GAS2: variants seen among roughly 807,000 people sequenced by gnomAD.
The protein encoded by GAS2 is growth arrest specific 2.
A neutral mutation model predicts 37.5 loss-of-function variants in GAS2; 20 were observed. The observed-to-expected ratio is 0.53, with a 90% CI of 0.37 to 0.77. The LOEUF is 0.77. Ranked by LOEUF, GAS2 falls within the 30% of genes least tolerant of loss-of-function variation. GAS2 has a pLI of 0.00. For missense variants in GAS2, 336 were observed against 373.4 expected (o/e 0.90, Z 0.82); for synonymous variants, 144 against 132.2 (o/e 1.09, Z -0.61).
intron 6 of GAS2, among the ~76,000 whole-genome samples, chr11:22,754,411 G>A (rs1423779871): frequency 2.0e-5 from 3 of 152,006 alleles, no homozygotes; most frequent in African/African-American, 7.2e-5. Context: ...ATAAAAATAA[G>A]TGCCAAAAGC....
intron 7 of GAS2, among the ~76,000 whole-genome samples, chr11:22,806,460 T>C (rs1350356595): frequency 6.6e-6 from 1 of 152,198 alleles, no homozygotes; most frequent in East Asian, 1.9e-4. Context: ...CGCTTGTATA[T>C]ATACCTAGTG....
intron 4 of GAS2, among the ~76,000 whole-genome samples, chr11:22,735,664 T>A (rs1165044637): frequency 2.0e-5 from 3 of 151,886 alleles, no homozygotes; most frequent in Non-Finnish European, 4.4e-5. Flanking sequence ...ACATTATTAT[T>A]TTTCTTCAGA....
upstream of GAS2, among the ~76,000 whole-genome samples, chr11:22,665,441 C>T (rs1276274441): frequency 6.6e-6 from 1 of 152,042 alleles, no homozygotes; most frequent in South Asian, 2.1e-4. Flanking sequence ...CATTCAGATT[C>T]GTTTACTAAA....
At position 22,726,378 on chromosome 11, in the gene GAS2, C is replaced by G; in HGVS notation, c.354C>G (p.Ser118=). 1 of 1,612,924 alleles carries G rather than the reference C, an allele frequency of 6.2e-7. No individual in the cohort carries two copies. Among genetic ancestry groups the G allele is most frequent in the Middle Eastern group, 1.7e-4 (1 of 6,048 alleles). ...GAGACAATACAGCAAATTTCTTATC[C>G]TGGTGCCGAGATTTAGGGGTGGATG... is the stretch of plus-strand genomic sequence containing the variant. ...FARDNTANFL[S]WCRDLGVDET... The change falls in exon 4 of 8, where the codon TCC becomes TCG. Residue 118 remains serine (S), a synonymous_variant. Coordinates refer to ENST00000454584, the MANE Select transcript of GAS2 (RefSeq NM_001143830.3).
chr11:22,790,411 C>T (rs1856088799), intron 7 of GAS2, among the ~76,000 whole-genome samples: 1 of 152,166 alleles, frequency 6.6e-6, no homozygotes, highest in African/African-American at 2.4e-5. Flanking sequence ...TGCTGCTTTA[C>T]ATTTCTGTCC....
At chr11:22,770,498 A>G (rs549189666) in intron 7 of GAS2, among the ~76,000 whole-genome samples, 6 of 152,102 alleles carry the variant, frequency 3.9e-5, no homozygotes, top group Admixed American at 2.0e-4. Flanking sequence ...TTACTTAACA[A>G]TTTTCTCTAG....
At chr11:22,803,200 G>C (rs995238344) in intron 7 of GAS2, among the ~76,000 whole-genome samples, 1 of 152,066 alleles carries the variant, frequency 6.6e-6, no homozygotes, top group Non-Finnish European at 1.5e-5. Context: ...AAACCAGTGA[G>C]ATATACACTG....
chr11:22,646,569 C>T (rs935667067), intron 1 of GAS2, among the ~76,000 whole-genome samples: 2 of 152,152 alleles, frequency 1.3e-5, no homozygotes, highest in Non-Finnish European at 2.9e-5. Context: ...GTTGTAAGGA[C>T]TTCTGACAGC....
At chr11:22,799,681 T>C (rs1268044973) in intron 7 of GAS2, among the ~76,000 whole-genome samples, 3 of 152,116 alleles carry the variant, frequency 2.0e-5, no homozygotes, top group Non-Finnish European at 2.9e-5. Flanking sequence ...ATAAACCATT[T>C]TACCTTTCTC....
chr11:22,777,465 A>G (rs1213121158), intron 7 of GAS2, among the ~76,000 whole-genome samples: 1 of 152,184 alleles, frequency 6.6e-6, no homozygotes, highest in Non-Finnish European at 1.5e-5. Context: ...ACTTATAATG[A>G]GCTGGGTATT....
At chr11:22,713,524 C>T (rs535866105) in intron 3 of GAS2, among the ~76,000 whole-genome samples, 19 of 152,158 alleles carry the variant, frequency 1.2e-4, no homozygotes, top group African/African-American at 2.2e-4. Context: ...AAACTAATCA[C>T]GAACACATCA....
chr11:22,649,703 A>C (rs1296601218), intron 1 of GAS2, among the ~76,000 whole-genome samples: 4 of 152,120 alleles, frequency 2.6e-5, no homozygotes, highest in Non-Finnish European at 5.9e-5. Context: ...GTTTATTTGC[A>C]TAGAGGTGTT....
At chr11:22,735,792 G>T (rs1852721447) in intron 4 of GAS2, among the ~76,000 whole-genome samples, 1 of 151,756 alleles carries the variant, frequency 6.6e-6, no homozygotes, top group Non-Finnish European at 1.5e-5. Context: ...ACACAATTTA[G>T]TCAGTTAACT....
At chr11:22,807,470 A>T (rs1019994002) in intron 7 of GAS2, among the ~76,000 whole-genome samples, 1 of 152,252 alleles carries the variant, frequency 6.6e-6, no homozygotes, top group Non-Finnish European at 1.5e-5. Flanking sequence ...AAATGTAGCT[A>T]TAAATTGTCT....
At chr11:22,711,400 A>C (rs1380305855) in intron 3 of GAS2, among the ~76,000 whole-genome samples, 4 of 152,114 alleles carry the variant, frequency 2.6e-5, no homozygotes, top group Admixed American at 2.6e-4. Flanking sequence ...CAGCTGGTGG[A>C]ATTTGGGAGG....
chr11:22,811,896 C>T lies in GAS2; in HGVS notation c.822C>T (p.Ile274=). The change falls in exon 8 of 8, where the codon ATC becomes ATT. Residue 274 remains isoleucine (I), a synonymous_variant. Transcript: ENST00000454584. ...ACGACCCCTGCCGAATGCTGCAGAT[C>T]TCCCGTGTGGATGGCAAAACATCCC... ...LKHDPCRMLQ[I]SRVDGKTSPI... The T allele has an allele frequency of 6.2e-7, 1 of 1,614,138 alleles. No homozygotes were observed. Among genetic ancestry groups the T allele is most frequent in the Non-Finnish European group, 8.5e-7 (1 of 1,179,986 alleles).
chr11:22,730,535 A>G (rs1238699043), intron 4 of GAS2, among the ~76,000 whole-genome samples: 1 of 151,778 alleles, frequency 6.6e-6, no homozygotes, highest in Admixed American at 6.6e-5. Flanking sequence ...TGCTGTTCAA[A>G]CCATGTTGAC....
At chr11:22,810,935 C>T (rs939455736) in intron 7 of GAS2, among the ~76,000 whole-genome samples, 1 of 152,188 alleles carries the variant, frequency 6.6e-6, no homozygotes, top group Non-Finnish European at 1.5e-5. Context: ...CATTACAGTG[C>T]CCGTATGTAT....
intron 7 of GAS2, among the ~76,000 whole-genome samples, chr11:22,786,904 G>A (rs1246508885): frequency 6.6e-6 from 1 of 152,092 alleles, no homozygotes; most frequent in African/African-American, 2.4e-5. Context: ...TATAGATTCT[G>A]AACAATGCAT....
Sources: gnomAD v4.1 joint callset for allele counts (sites outside exome capture counted in the v4.1 genomes callset) on GRCh38, gnomAD v4.1.1 for gene constraint, MANE v1.5 for transcripts, NCBI Gene and HGNC (gene_info 2026-07-23, HGNC 2026-07-21) for gene names.